The following ARFGEF3 variants were observed in gnomAD, a reference collection of about 807,000 sequenced individuals.
ARFGEF3 encodes brefeldin A-inhibited guanine nucleotide-exchange protein 3.
ARFGEF3 carries 96 observed loss-of-function variants against 221.7 expected under a neutral mutation model. The observed-to-expected ratio is 0.43, with a 90% CI of 0.37 to 0.51. The LOEUF is 0.51. Among genes scored for constraint, ARFGEF3 ranks in the 20% least tolerant of loss-of-function variants. ARFGEF3 has a pLI of 0.00. For missense variants in ARFGEF3, 2,410 were observed against 2,789.9 expected, an observed-to-expected ratio of 0.86 and a Z score of 3.07; for synonymous variants, 1,145 against 1,126.8, an observed-to-expected ratio of 1.02 and a Z score of -0.32.
In ARFGEF3 at chr6:138,337,238, G is replaced by A. The variant is rs545607265; in HGVS notation, c.*752G>A. 4.5e-4 allele frequency: 68 copies of A among 152,640 alleles called. No homozygotes were observed. The highest frequency in any genetic ancestry group is 4.3e-4 in the Non-Finnish European group (29 of 68,052). 9.5% of individuals were successfully genotyped at this position (152,640 alleles called of 1,614,324 possible). A position where few individuals can be genotyped will look rare whatever the true frequency, so the allele number is the denominator to read the frequency against. ...AGTACCCAGTGAAAGTGGCTGGTAC[G>A]TAGATTGTCAAGAGACATAAGACCG... On this transcript the variant is annotated 3_prime_UTR_variant, in exon 34 of 34. Transcript: ENST00000251691.
chr6:138,234,827 T>C lies in ARFGEF3; in HGVS notation c.421-3682T>C, dbSNP rs199658723. On this transcript the variant is annotated intron_variant, in intron 5 of 33. Coordinates refer to ENST00000251691, the MANE Select transcript of ARFGEF3 (RefSeq NM_020340.5). ...AGTTGAAAATATACTAGCTCACCTC[T>C]TTATGGAACTTACTAGTATTATATA... 4.6e-5 allele frequency among the ~76,000 whole-genome samples: 7 copies of C among 152,330 alleles called. No homozygotes were observed. In the East Asian group the frequency reaches 1.3e-3, roughly 29 times the overall value.
chr6:138,180,590 TA>T (rs141861500), intron 2 of ARFGEF3, among the ~76,000 whole-genome samples: 17 of 150,828 alleles, frequency 1.1e-4, no homozygotes, highest in African/African-American at 3.9e-4. Context: ...CTGGTTACCA[TA>T]AAAAAAAAGG....
At chr6:138,305,675 C>T (rs1779710600) in intron 22 of ARFGEF3, among the ~76,000 whole-genome samples, 1 of 150,330 alleles carries the variant, frequency 6.7e-6, no homozygotes, top group Admixed American at 6.6e-5. Flanking sequence ...AACATTGTGG[C>T]ATATGGAATT....
chr6:138,209,840 A>G, intron 3 of ARFGEF3, 70 bp from the exon 4 acceptor site: 4 of 1,567,280 alleles, frequency 2.6e-6, no homozygotes, highest in Non-Finnish European at 3.5e-6. Flanking sequence ...ATCAATCCAT[A>G]ATAAGATACA....
At position 138,233,585 on chromosome 6, in the gene ARFGEF3, G is replaced by T. The variant is rs1048205661; in HGVS notation, c.420+3733G>T. Reference sequence around the variant, plus strand: ...GTAGAGTTGGGATTTCGCCTTATTGGCCAGGCTGGTCTCTAACTCCTGACC... The same window carrying T: ...GTAGAGTTGGGATTTCGCCTTATTGTCCAGGCTGGTCTCTAACTCCTGACC... On this transcript the variant is annotated intron_variant, in intron 5 of 33. Coordinates refer to ENST00000251691, the MANE Select transcript of ARFGEF3 (RefSeq NM_020340.5). Among the ~76,000 whole-genome samples, 5 of 152,098 alleles carry T rather than the reference G, an allele frequency of 3.3e-5. No homozygotes were observed. In the South Asian group the frequency reaches 1.0e-3, roughly 32 times the overall value.
intron 4 of ARFGEF3, among the ~76,000 whole-genome samples, chr6:138,222,492 C>G (rs1777999571): frequency 6.6e-6 from 1 of 152,078 alleles, no homozygotes; most frequent in South Asian, 2.1e-4. Flanking sequence ...TTCCTGGAGG[C>G]ATCTTCACTT....
intron 2 of ARFGEF3, among the ~76,000 whole-genome samples, chr6:138,198,815 C>T (rs891454883): frequency 2.2e-4 from 34 of 152,218 alleles, no homozygotes; most frequent in African/African-American, 8.2e-4. Context: ...TTGTTTGATG[C>T]CTGTCCCCAT....
chr6:138,303,662 G>A (rs550943568), intron 22 of ARFGEF3, among the ~76,000 whole-genome samples: 5 of 151,882 alleles, frequency 3.3e-5, no homozygotes, highest in South Asian at 4.2e-4. Context: ...AATTAGCTGC[G>A]TGTGGTGGCG....
At chr6:138,306,099 CA>C (rs547933958) in intron 22 of ARFGEF3, among the ~76,000 whole-genome samples, 1 of 151,724 alleles carries the variant, frequency 6.6e-6, no homozygotes, top group African/African-American at 2.4e-5. Context: ...ATGGGATTTG[CA>C]AAAAAATTCT....
At chr6:138,240,321 A>G (rs1037104066) in intron 6 of ARFGEF3, among the ~76,000 whole-genome samples, 5 of 152,226 alleles carry the variant, frequency 3.3e-5, no homozygotes, top group Admixed American at 3.3e-4. Context: ...ATCAAACACT[A>G]TATTAATAAT....
At chr6:138,250,186 G>A (rs1778554963) in intron 8 of ARFGEF3, among the ~76,000 whole-genome samples, 1 of 152,202 alleles carries the variant, frequency 6.6e-6, no homozygotes, top group Non-Finnish European at 1.5e-5. Flanking sequence ...GTAGGGGTGT[G>A]TGTTCATGAT....
rs1381478011 is a variant in ARFGEF3, at chr6:138,161,978, C to T, written c.-109C>T. On this transcript the variant is annotated 5_prime_UTR_variant, in exon 1 of 34. Coordinates refer to ENST00000251691, the MANE Select transcript of ARFGEF3 (RefSeq NM_020340.5). ...TCCGCGCCGGGGCGGCATGGGGGCG[C>T]GCGCGGCGGCCGCCTAGGCGCCCAG... 4.8e-5 allele frequency: 22 copies of T among 457,938 alleles called. No homozygotes were observed. The highest frequency in any genetic ancestry group is 3.3e-6 in the Non-Finnish European group (1 of 301,334). 28.4% of individuals were successfully genotyped at this position (457,938 alleles called of 1,614,324 possible).
At chr6:138,224,497 A>G (rs896516739) in intron 4 of ARFGEF3, among the ~76,000 whole-genome samples, 4 of 152,362 alleles carry the variant, frequency 2.6e-5, no homozygotes, top group Middle Eastern at 3.4e-3. Flanking sequence ...GTTTTCTTCC[A>G]TACCACCAGG....
At chr6:138,204,411 CA>C in intron 2 of ARFGEF3, among the ~76,000 whole-genome samples, 2 of 150,234 alleles carry the variant, frequency 1.3e-5, no homozygotes, top group South Asian at 4.2e-4. Context: ...CTGCATTGGG[CA>C]CTTTGTCTAT....
intron 10 of ARFGEF3, among the ~76,000 whole-genome samples, chr6:138,260,477 T>C (rs987714697): frequency 6.6e-6 from 1 of 152,212 alleles, no homozygotes; most frequent in African/African-American, 2.4e-5. Context: ...TATATAAAAA[T>C]GTGTTAGAAA....
chr6:138,304,446 C>T (rs185093033), intron 22 of ARFGEF3, among the ~76,000 whole-genome samples: 2 of 152,070 alleles, frequency 1.3e-5, no homozygotes, highest in East Asian at 3.9e-4. Context: ...ACATTAAAGG[C>T]CTATTAACCT....
At chr6:138,179,935 A>G (rs139130101) in intron 2 of ARFGEF3, among the ~76,000 whole-genome samples, 37 of 152,272 alleles carry the variant, frequency 2.4e-4, no homozygotes, top group African/African-American at 8.7e-4. Flanking sequence ...TCAGCCTCCC[A>G]AGTAGCTAGG....
rs1331126527 is a variant in ARFGEF3, at chr6:138,334,896, C to T, written c.6050C>T (p.Ala2017Val). The T allele has an allele frequency of 1.9e-6, 3 of 1,591,450 alleles. No homozygotes were observed. ...GCGGGGAACAAAATCTACACCATGG[C>T]AGCCGACAAGACCATTTCAAAGTTG... is the stretch of plus-strand genomic sequence containing the variant. ...ENAGNKIYTMAADKTISKLMT... is the reference protein window; with the variant it reads ...ENAGNKIYTMVADKTISKLMT... The change falls in exon 33 of 34, where the codon GCA (alanine) becomes GTA (valine). Residue 2017 changes from alanine to valine, a missense_variant. Physicochemically the swap from Ala to Val is moderately conservative, Grantham distance 64 (BLOSUM62 0). Around this residue, in one of 5 missense-constraint regions of ARFGEF3, gnomAD observed 339 missense variants for 334.9 expected, o/e 1.01. Transcript: ENST00000251691. The surrounding 1 kb of genome is among the most constrained non-coding windows in gnomAD (Gnocchi z 5.1).
At chr6:138,210,085 C>T in intron 4 of ARFGEF3, 44 bp downstream of exon 4, 2 of 1,598,436 alleles carry the variant, frequency 1.3e-6, no homozygotes, top group South Asian at 1.1e-5. Flanking sequence ...GGGACAGGAA[C>T]ACATCCTGAT....
Sources: gnomAD v4.1 joint callset for allele counts (sites outside exome capture counted in the v4.1 genomes callset) on GRCh38, gnomAD v4.1.1 for gene constraint, gnomAD v4.1.1 regional missense constraint, Gnocchi (gnomAD v3.1) non-coding constraint, MANE v1.5 for transcripts, NCBI Gene and HGNC (gene_info 2026-07-23, HGNC 2026-07-21) for gene names.